The following MFSD1 variants were observed in gnomAD, a reference collection of about 807,000 sequenced individuals.
MFSD1 encodes major facilitator superfamily domain containing 1, also known as lysosomal dipeptide transporter MFSD1.
MFSD1 carries 59 observed loss-of-function variants against 67.1 expected under a neutral mutation model. That is an observed-to-expected ratio of 0.88 (90% CI 0.71 to 1.09). The LOEUF (loss-of-function observed/expected upper bound fraction) is 1.09, where lower values mean the gene tolerates loss of function less well. Ranked by LOEUF, MFSD1 falls within the 50% of genes least tolerant of loss-of-function variation. The pLI, the probability that MFSD1 is intolerant of heterozygous loss-of-function variation, is 0.00. For synonymous variants in MFSD1, 213 were observed against 200.3 expected, an observed-to-expected ratio of 1.06 and a Z score of -0.54; for missense variants, 552 against 566.1, an observed-to-expected ratio of 0.97 and a Z score of 0.25.
chr3:158,814,134 G>A, intron 7 of MFSD1, 67 bp downstream of exon 7: 1 of 1,219,976 alleles, frequency 8.2e-7, no homozygotes, highest in Non-Finnish European at 1.2e-6. Flanking sequence ...ATCATAGCAG[G>A]GAGGAAGGCA....
chr3:158,805,935 G>A (rs2030351846), intron 3 of MFSD1, among the ~76,000 whole-genome samples: 1 of 152,172 alleles, frequency 6.6e-6, no homozygotes, highest in Admixed American at 6.5e-5. Context: ...TCCAGCCCCG[G>A]TGAGATTTTC....
At chr3:158,821,494 A>G (rs1730664725) in intron 9 of MFSD1, 103 bp from the exon 10 acceptor site, 1 of 740,970 alleles carries the variant, frequency 1.3e-6, no homozygotes, top group Non-Finnish European at 2.3e-6. Flanking sequence ...AATAATATCA[A>G]GAAAGAAGCT....
rs991472607 is a variant in MFSD1, at chr3:158,804,464, G to C, written c.216+93G>C. The C allele has an allele frequency of 4.3e-6, 4 of 920,098 alleles. No individual in the cohort carries two copies. In the African/African-American group the frequency reaches 6.6e-5, roughly 15 times the overall value. 57.0% of individuals were successfully genotyped at this position (920,098 alleles called of 1,614,324 possible). A position where few individuals can be genotyped will look rare whatever the true frequency, so the allele number is the denominator to read the frequency against. On this transcript the variant is annotated intron_variant, in intron 2 of 15. Coordinates refer to ENST00000415822, the MANE Select transcript of MFSD1 (RefSeq NM_022736.4). ...CAACCCTCAGGTGCCCTAGTCTCAC[G>C]TGTCCGCTGAATCTATTTTGACATC...
In MFSD1 at chr3:158,814,029, C is replaced by T. The variant is rs9867246; in HGVS notation, c.614C>T (p.Ser205Phe). 1.2e-6 allele frequency: 2 copies of T among 1,613,196 alleles called. No individual in the cohort carries two copies. Among genetic ancestry groups the T allele is most frequent in the African/African-American group, 2.7e-5 (2 of 74,780 alleles). The change falls in exon 7 of 16, where the codon TCT (serine) becomes TTT (phenylalanine). Residue 205 changes from serine (S) to phenylalanine (F), a missense_variant. Transcript: ENST00000415822. The stretch of plus-strand genomic sequence containing the variant: ...TCTAAGATTGAAGCTTTGTTAGGTT[C>T]TGCTGGTCACACAACCCTCGGGATC... Reference protein sequence around the residue: ...LYSKIEALLGSAGHTTLGITL... With the variant: ...LYSKIEALLGFAGHTTLGITL...
intron 7 of MFSD1, among the ~76,000 whole-genome samples, chr3:158,818,593 T>A (rs1328851840): frequency 1.3e-5 from 2 of 151,958 alleles, no homozygotes; most frequent in Non-Finnish European, 2.9e-5. Context: ...ATATATATAT[T>A]TTATTCCACA....
At chr3:158,804,432 G>A in intron 2 of MFSD1, 61 bp downstream of exon 2, 1 of 1,400,548 alleles carries the variant, frequency 7.1e-7, no homozygotes, top group Non-Finnish European at 1.0e-6. Context: ...AGCGGTGGAG[G>A]CATTATCAAC....
At chr3:158,826,743 C>T (rs977603858) in intron 14 of MFSD1, among the ~76,000 whole-genome samples, 2 of 151,636 alleles carry the variant, frequency 1.3e-5, no homozygotes, top group African/African-American at 4.8e-5. Flanking sequence ...TCCCAGCTCA[C>T]TGCAGCCTCA....
At position 158,829,150 on chromosome 3, in the gene MFSD1, CCTGTGT is replaced by C. The variant is rs1731182962; in HGVS notation, c.*171_*176del. ...AGTGTATTTGTGAGGCCTGTTTTAG[CCTGTGT>C]CTTTTGTATTGTGTGTTGCTAAAGA... On this transcript the variant is annotated 3_prime_UTR_variant, in exon 16 of 16. Transcript: ENST00000415822. The C allele has an allele frequency of 2.1e-6, 1 of 486,102 alleles. No homozygotes were observed. Among genetic ancestry groups the C allele is most frequent in the Non-Finnish European group, 3.4e-6 (1 of 291,234 alleles). 30.1% of individuals were successfully genotyped at this position (486,102 alleles called of 1,614,324 possible).
intron 7 of MFSD1, among the ~76,000 whole-genome samples, chr3:158,816,589 A>G (rs1457786229): frequency 6.6e-6 from 1 of 150,840 alleles, no homozygotes; most frequent in East Asian, 1.9e-4. Flanking sequence ...ATTTTCTCCC[A>G]TTTTGTAGGT....
At chr3:158,825,807 C>A (rs1038663970) in intron 13 of MFSD1, among the ~76,000 whole-genome samples, 1 of 152,094 alleles carries the variant, frequency 6.6e-6, no homozygotes, top group Non-Finnish European at 1.5e-5. Context: ...TGGCCTGCCA[C>A]CCCTGGGCTG....
intron 2 of MFSD1, among the ~76,000 whole-genome samples, chr3:158,805,143 TC>T (rs1559914392): frequency 6.6e-6 from 1 of 152,148 alleles, no homozygotes; most frequent in Non-Finnish European, 1.5e-5. Flanking sequence ...CTCAAGAAGT[TC>T]CCAGGGTTCC....
intron 6 of MFSD1, among the ~76,000 whole-genome samples, chr3:158,810,027 G>A (rs1729920229): frequency 1.3e-5 from 2 of 152,046 alleles, no homozygotes; most frequent in South Asian, 2.1e-4. Context: ...TATGGGTTTC[G>A]TTTGTTTGTT....
chr3:158,808,960 A>G, intron 5 of MFSD1: 1 of 425,226 alleles, frequency 2.4e-6, no homozygotes, highest in Non-Finnish European at 4.2e-6. Flanking sequence ...TGAAAAGGTG[A>G]TGTCACCTTT....
intron 15 of MFSD1, 121 bp downstream of exon 15, chr3:158,827,458 A>G: frequency 1.8e-6 from 1 of 546,000 alleles, no homozygotes; most frequent in East Asian, 3.4e-5. Context: ...CTTGTCGTCC[A>G]GGCTGGAGTG....
At chr3:158,821,782 G>C in intron 10 of MFSD1, 129 bp downstream of exon 10, 1 of 960,638 alleles carries the variant, frequency 1.0e-6, no homozygotes, top group East Asian at 2.4e-5. Context: ...GGACTACATT[G>C]GGACTTGAAT....
chr3:158,807,180 C>A, intron 4 of MFSD1, 98 bp downstream of exon 4: 1 of 1,167,492 alleles, frequency 8.6e-7, no homozygotes. Context: ...TAATGCCTAG[C>A]TTAATTAAGC....
Position 158,822,055 on chromosome 3 carries a change from T to A in MFSD1, c.992T>A (p.Ile331Asn). The change falls in exon 11 of 16, where the codon ATC becomes AAC. Residue 331 changes from isoleucine to asparagine, a missense_variant. Ile to Asn is a moderately radical substitution (Grantham distance 149). Coordinates refer to ENST00000415822, the MANE Select transcript of MFSD1 (RefSeq NM_022736.4). ...CTGGTGGATAAAACAGGGAAGAACA[T>A]CATCTGGGTTCTTTGCGCAGTAGCA... ...GLLVDKTGKN[I>N]IWVLCAVAAT... 6 of 1,613,940 alleles carry A rather than the reference T, an allele frequency of 3.7e-6. No homozygotes were observed. The highest frequency in any genetic ancestry group is 5.1e-6 in the Non-Finnish European group (6 of 1,179,874).
At chr3:158,826,498 T>C (rs1305724642) in intron 14 of MFSD1, among the ~76,000 whole-genome samples, 1 of 151,972 alleles carries the variant, frequency 6.6e-6, no homozygotes, top group African/African-American at 2.4e-5. Context: ...TCGTACTGTA[T>C]GCATTAGTGG....
intron 3 of MFSD1, among the ~76,000 whole-genome samples, chr3:158,806,234 A>G (rs1729720138): frequency 6.6e-6 from 1 of 152,218 alleles, no homozygotes; most frequent in Admixed American, 6.5e-5. Context: ...AGGAAGAATT[A>G]AATTTATTTT....
Sources: allele counts gnomAD v4.1 joint callset (sites outside exome capture counted in the v4.1 genomes callset), GRCh38; gene constraint gnomAD v4.1.1; transcripts MANE v1.5; gene names NCBI Gene and HGNC (gene_info 2026-07-23, HGNC 2026-07-21).